CNBD1: variants seen among roughly 807,000 people sequenced by gnomAD.
CNBD1 encodes the protein cyclic nucleotide binding domain containing 1.
Under a neutral mutation model 54.4 loss-of-function variants are expected in CNBD1, and 71 were observed. That is an observed-to-expected ratio of 1.30 (90% CI 1.08 to 1.59). The LOEUF is 1.59. Among genes scored for constraint, CNBD1 ranks in the 40% most tolerant of loss-of-function variants. The pLI, the probability that CNBD1 is intolerant of heterozygous loss-of-function variation, is 0.00. For missense variants in CNBD1, 659 were observed against 518.0 expected (o/e 1.27, Z -2.64); for synonymous variants, 182 against 170.7 (o/e 1.07, Z -0.51).
At chr8:87,144,587 C>T (rs534862503) in intron 4 of CNBD1, among the ~76,000 whole-genome samples, 51 of 152,004 alleles carry the variant, frequency 3.4e-4, no homozygotes, top group Admixed American at 1.3e-3. Context: ...TTCGGGAGGC[C>T]GAGGCAGGTG....
intron 1 of CNBD1, among the ~76,000 whole-genome samples, chr8:86,871,326 C>A (rs1808440600): frequency 1.3e-5 from 2 of 152,210 alleles, no homozygotes; most frequent in South Asian, 4.1e-4. Context: ...TGTTACCAAT[C>A]CTTCAGACAA....
At chr8:87,244,813 C>T (rs1807771670) in intron 6 of CNBD1, among the ~76,000 whole-genome samples, 1 of 152,048 alleles carries the variant, frequency 6.6e-6, no homozygotes, top group Admixed American at 6.6e-5. Context: ...TTTAATTAGA[C>T]AGAGACTTCA....
In CNBD1 at chr8:87,133,696, T is replaced by TAAA. The variant is rs200198528; in HGVS notation, c.432-72286_432-72284dup. 5.1e-3 allele frequency among the ~76,000 whole-genome samples: 722 copies of TAAA among 141,964 alleles called. 10 individuals are homozygous for TAAA. The highest frequency in any genetic ancestry group is 3.8e-3 in the African/African-American group (145 of 38,468). 93.1% of individuals were successfully genotyped at this position (141,964 alleles called of 152,430 possible). On this transcript the variant is annotated intron_variant, in intron 4 of 10. Transcript: ENST00000518476. ...GATTGTTATACAACCTCTTTTAAAG[T>TAAA]AAAAAAAAAAAAAGCATATTGCACA... is the stretch of plus-strand genomic sequence containing the variant.
intron 8 of CNBD1, among the ~76,000 whole-genome samples, chr8:87,297,968 ATATC>A (rs1298694574): frequency 5.9e-5 from 9 of 151,548 alleles, no homozygotes; most frequent in Non-Finnish European, 2.9e-5. Flanking sequence ...CTATATATCT[ATATC>A]TATATTAAGA....
chr8:87,399,617 A>G (rs1288868229), intron 2 of CNBD1, among the ~76,000 whole-genome samples: 2 of 151,972 alleles, frequency 1.3e-5, no homozygotes. Context: ...AGTGTTATTC[A>G]AAATATTTAA....
In CNBD1 at chr8:87,163,242, AATCAGG is replaced by A. The variant is rs1237246016; in HGVS notation, c.432-42749_432-42744del. On this transcript the variant is annotated intron_variant, in intron 4 of 10. Transcript: ENST00000518476. This position sits in a 1 kb window ranked among gnomAD's most constrained non-coding sequence, Gnocchi z 4.5. ...AGATAAGCTTTGTAACATAATTTGAAATCAGGAAGTGTGATGTCCCCAGCTTTGTTT... is the reference window on the plus strand; with the variant it reads ...AGATAAGCTTTGTAACATAATTTGAAAAGTGTGATGTCCCCAGCTTTGTTT... Among the ~76,000 whole-genome samples, 8 of 152,116 alleles carry A rather than the reference AATCAGG, an allele frequency of 5.3e-5. No homozygotes were observed. The highest frequency in any genetic ancestry group is 1.9e-4 in the African/African-American group (8 of 41,450).
intron 2 of CNBD1, among the ~76,000 whole-genome samples, chr8:86,890,297 C>T (rs1024092894): frequency 2.0e-5 from 3 of 152,044 alleles, no homozygotes; most frequent in Non-Finnish European, 4.4e-5. Flanking sequence ...TCTGCTTCCA[C>T]GACTTTCATG....
intron 1 of CNBD1, among the ~76,000 whole-genome samples, chr8:86,883,244 A>G (rs1179944893): frequency 6.6e-6 from 1 of 152,150 alleles, no homozygotes; most frequent in African/African-American, 2.4e-5. Context: ...CTTAATCCAG[A>G]CAAAATTCAG....
chr8:87,104,213 T>C (rs1811487841), intron 4 of CNBD1, among the ~76,000 whole-genome samples: 1 of 152,212 alleles, frequency 6.6e-6, no homozygotes, highest in South Asian at 2.1e-4. Context: ...CTGGAGGTCC[T>C]AGCAAGTTTA....
chr8:87,139,606 A>T (rs914702588), intron 4 of CNBD1, among the ~76,000 whole-genome samples: 3 of 152,146 alleles, frequency 2.0e-5, no homozygotes, highest in African/African-American at 7.2e-5. Context: ...GGTGTCAGGG[A>T]GCAGGTGAGG....
At chr8:87,197,632 A>C (rs1813749490) in intron 4 of CNBD1, among the ~76,000 whole-genome samples, 1 of 152,228 alleles carries the variant, frequency 6.6e-6, no homozygotes, top group Non-Finnish European at 1.5e-5. Flanking sequence ...GAAAGTCAGA[A>C]GGAAGGTGAA....
chr8:87,126,588 T>C (rs1056575619), intron 4 of CNBD1, among the ~76,000 whole-genome samples: 1 of 152,072 alleles, frequency 6.6e-6, no homozygotes, highest in South Asian at 2.1e-4. Flanking sequence ...TTTCTCCCAG[T>C]ATGACCTATA....
At chr8:87,036,472 T>C (rs1356419851) in intron 4 of CNBD1, among the ~76,000 whole-genome samples, 1 of 151,652 alleles carries the variant, frequency 6.6e-6, no homozygotes, top group East Asian at 2.0e-4. Context: ...TGGGCGCCTG[T>C]AGTCCCAGCT....
intron 10 of CNBD1, among the ~76,000 whole-genome samples, chr8:87,379,644 G>T (rs918998787): frequency 1.3e-5 from 2 of 151,824 alleles, no homozygotes; most frequent in African/African-American, 4.8e-5. Flanking sequence ...ATAATGTAAT[G>T]GTCATAAAAG....
intron 4 of CNBD1, among the ~76,000 whole-genome samples, chr8:87,003,390 A>G (rs1423502249): frequency 1.3e-5 from 2 of 152,210 alleles, no homozygotes; most frequent in South Asian, 4.1e-4. Context: ...TCATGATGAT[A>G]ATAAAAGGGA....
chr8:87,352,192 A>G (rs1301521959), intron 9 of CNBD1, among the ~76,000 whole-genome samples: 1 of 152,110 alleles, frequency 6.6e-6, no homozygotes, highest in Non-Finnish European at 1.5e-5. Context: ...ACTTATATGA[A>G]TCCTAGGGCT....
chr8:87,114,383 C>T (rs914236567), intron 4 of CNBD1, among the ~76,000 whole-genome samples: 1 of 152,196 alleles, frequency 6.6e-6, no homozygotes, highest in African/African-American at 2.4e-5. Flanking sequence ...TGGAGTCTCA[C>T]TCTGTTGCCC....
chr8:86,944,074 G>A (rs1177957248), intron 4 of CNBD1, among the ~76,000 whole-genome samples: 1 of 152,106 alleles, frequency 6.6e-6, no homozygotes, highest in Non-Finnish European at 1.5e-5. Flanking sequence ...CCCTTTGACA[G>A]GCAGTTTTAC....
intron 8 of CNBD1, among the ~76,000 whole-genome samples, chr8:87,319,684 C>A (rs1008899249): frequency 6.6e-6 from 1 of 151,884 alleles, no homozygotes; most frequent in African/African-American, 2.4e-5. Flanking sequence ...CATGTTTTTA[C>A]CTCAATTTAA....
Sources: gnomAD v4.1 joint callset for allele counts (sites outside exome capture counted in the v4.1 genomes callset) on GRCh38, gnomAD v4.1.1 for gene constraint, Gnocchi (gnomAD v3.1) non-coding constraint, MANE v1.5 for transcripts, NCBI Gene and HGNC (gene_info 2026-07-23, HGNC 2026-07-21) for gene names.